MTAP: variants seen among roughly 807,000 people sequenced by gnomAD.
MTAP encodes the protein S-methyl-5'-thioadenosine phosphorylase.
Under a neutral mutation model 33.6 loss-of-function variants are expected in MTAP, and 33 were observed. That is an observed-to-expected ratio of 0.98 (90% confidence interval 0.74 to 1.31). The LOEUF (loss-of-function observed/expected upper bound fraction) is 1.31. Among genes scored for constraint, MTAP ranks in the 40% most tolerant of loss-of-function variants. The pLI is 0.00. For missense variants in MTAP, 367 were observed against 360.0 expected (o/e 1.02, Z -0.16); for synonymous variants, 148 against 125.7 (o/e 1.18, Z -1.19).
At chr9:21,818,312 G>A (rs932062431) in intron 4 of MTAP, 110 bp downstream of exon 4, 1 of 381,508 alleles carries the variant, frequency 2.6e-6, no homozygotes, top group Non-Finnish European at 4.4e-6. Context: ...CCACAGACTC[G>A]CTTGCTTTTT....
intron 4 of MTAP, among the ~76,000 whole-genome samples, chr9:21,826,202 T>G (rs1391462596): frequency 6.6e-6 from 1 of 151,542 alleles, no homozygotes; most frequent in Non-Finnish European, 1.5e-5. Context: ...TTTTTTTTTT[T>G]TAAAGAGAGT....
chr9:21,840,530 C>T lies in MTAP; in HGVS notation c.450+2520C>T, dbSNP rs566133199. Among the ~76,000 whole-genome samples, 12 of 152,126 alleles carry T rather than the reference C, an allele frequency of 7.9e-5. No homozygotes were observed. In the South Asian group the frequency reaches 1.9e-3, roughly 24 times the overall value. ...AATTTAACCTTACCTAGAGGTGAAACGGATTTAGGGGGTTATGTGAAATAT... is the reference window on the plus strand; with the variant it reads ...AATTTAACCTTACCTAGAGGTGAAATGGATTTAGGGGGTTATGTGAAATAT... On this transcript the variant is annotated intron_variant, in intron 5 of 7. Coordinates refer to ENST00000644715, the MANE Select transcript of MTAP (RefSeq NM_002451.4).
chr9:21,815,200 G>A (rs1308567936), intron 1 of MTAP, among the ~76,000 whole-genome samples: 1 of 152,148 alleles, frequency 6.6e-6, no homozygotes, highest in East Asian at 1.9e-4. Flanking sequence ...CCAAAAAGGT[G>A]CCCTACGTTT....
chr9:21,912,583 C>T (rs527932360), intron 1 of MTAP, among the ~76,000 whole-genome samples: 4 of 152,214 alleles, frequency 2.6e-5, no homozygotes, highest in South Asian at 2.1e-4. Flanking sequence ...AATTGAACAG[C>T]GCTTCATGCT....
chr9:21,913,992 A>G (rs1412821836), intron 1 of MTAP, among the ~76,000 whole-genome samples: 1 of 152,248 alleles, frequency 6.6e-6, no homozygotes, highest in Non-Finnish European at 1.5e-5. Context: ...ACACTTCTCA[A>G]AAGAAGACAT....
intron 1 of MTAP, among the ~76,000 whole-genome samples, chr9:21,916,080 A>AAAGGGAGGAAGGAAGGAAGG (rs1818683900): frequency 8.5e-6 from 1 of 116,982 alleles, no homozygotes; most frequent in Non-Finnish European, 1.7e-5. Flanking sequence ...GGGAGGAAGG[A>AAAGGGAGGAAGGAAGGAAGG]AAGGAAGGAA....
At chr9:21,846,637 GTGAA>G (rs1463552771) in intron 5 of MTAP, among the ~76,000 whole-genome samples, 2 of 152,294 alleles carry the variant, frequency 1.3e-5, no homozygotes, top group East Asian at 3.9e-4. Flanking sequence ...CACTGCTGGT[GTGAA>G]TGTAAACTAG....
At chr9:21,880,558 G>A (rs1326452372) in intron 1 of MTAP, among the ~76,000 whole-genome samples, 1 of 152,054 alleles carries the variant, frequency 6.6e-6, no homozygotes, top group African/African-American at 2.4e-5. Context: ...CAGCAAGGTT[G>A]TAAGATACAA....
At chr9:21,807,384 GC>G (rs1452905708) in intron 1 of MTAP, among the ~76,000 whole-genome samples, 1 of 152,152 alleles carries the variant, frequency 6.6e-6, no homozygotes, top group African/African-American at 2.4e-5. Context: ...TCCTTGTGTG[GC>G]TATCTGAAAC....
chr9:21,816,909 CA>C, intron 3 of MTAP, 137 bp downstream of exon 3: 1 of 686,392 alleles, frequency 1.5e-6, no homozygotes, highest in Non-Finnish European at 2.3e-6. Context: ...CCTTTATTTA[CA>C]ATGTTTTATT....
At chr9:21,844,271 A>G (rs1035356256) in intron 5 of MTAP, among the ~76,000 whole-genome samples, 2 of 152,218 alleles carry the variant, frequency 1.3e-5, no homozygotes, top group East Asian at 3.8e-4. Flanking sequence ...ATCCAAGACC[A>G]GAGGGATTCA....
rs1162442005 is a variant in MTAP at position 21,802,826 on chromosome 9, C to G, written c.33+45C>G. ...CCGCAGCGGTTCGCCCTGCCGGATG[C>G]CTTCTCGCCCCCGCGCCGGGGGACC... On this transcript the variant is annotated intron_variant, in intron 1 of 7. Transcript: ENST00000644715. 6 of 1,608,634 alleles carry G rather than the reference C, an allele frequency of 3.7e-6. No individual in the cohort carries two copies. The African/African-American group carries it at 8.1e-5, about 22-fold the overall frequency.
At chr9:21,923,687 C>A (rs907379081) in intron 1 of MTAP, among the ~76,000 whole-genome samples, 5 of 152,160 alleles carry the variant, frequency 3.3e-5, no homozygotes, top group African/African-American at 7.2e-5. Context: ...CACTTCCATA[C>A]CCTCCTCAAT....
At chr9:21,874,619 C>T (rs1241607149) in intron 1 of MTAP, among the ~76,000 whole-genome samples, 1 of 151,644 alleles carries the variant, frequency 6.6e-6, no homozygotes, top group African/African-American at 2.4e-5. Context: ...ATGGTAGTTT[C>T]TTCCGCTGTG....
At position 21,922,120 on chromosome 9, in the gene MTAP, C is replaced by T. The variant is rs755444091; in HGVS notation, c.148-8888C>T. Among the ~76,000 whole-genome samples, 3 of 152,062 alleles carry T rather than the reference C, an allele frequency of 2.0e-5. No homozygotes were observed. The highest frequency in any genetic ancestry group is 2.9e-5 in the Non-Finnish European group (2 of 68,020). On this transcript the variant is annotated intron_variant, in intron 1 of 1. Transcript: ENST00000577563. This position sits in a 1 kb window ranked among gnomAD's most constrained non-coding sequence, Gnocchi z 4.8. ...AAGGAGCTGAGCAAGCAGTCTCAAG[C>T]ATGCACTAAGAGGCAAAATGGCAGA...
chr9:21,887,881 G>T (rs1290708957), intron 1 of MTAP, among the ~76,000 whole-genome samples: 1 of 152,040 alleles, frequency 6.6e-6, no homozygotes, highest in Non-Finnish European at 1.5e-5. Context: ...TGTGTGGGGG[G>T]GTTGCAGCTA....
chr9:21,935,267 C>A (rs773487890), downstream of MTAP: 1 of 152,020 alleles, frequency 6.6e-6, no homozygotes, highest in South Asian at 2.1e-4. Flanking sequence ...TTTTTTAATA[C>A]GGGTACTTAA....
chr9:21,818,789 C>T (rs1824553875), intron 4 of MTAP, among the ~76,000 whole-genome samples: 1 of 152,312 alleles, frequency 6.6e-6, no homozygotes, highest in South Asian at 2.1e-4. Context: ...GTGGTGAGAA[C>T]ATTTGATTTT....
intron 1 of MTAP, among the ~76,000 whole-genome samples, chr9:21,807,356 G>A (rs1395771203): frequency 6.6e-6 from 1 of 152,206 alleles, no homozygotes; most frequent in Non-Finnish European, 1.5e-5. Flanking sequence ...TGGCCTGCAA[G>A]GGCCTTCAGC....
Sources: allele counts gnomAD v4.1 joint callset (sites outside exome capture counted in the v4.1 genomes callset), GRCh38; gene constraint gnomAD v4.1.1; non-coding constraint Gnocchi (gnomAD v3.1); transcripts MANE v1.5; gene names NCBI Gene and HGNC (gene_info 2026-07-23, HGNC 2026-07-21).